Variants in PTPRD observed in about 807,000 individuals in gnomAD.
PTPRD encodes receptor-type tyrosine-protein phosphatase delta.
Under a neutral mutation model 214.5 loss-of-function variants are expected in PTPRD, and 34 were observed. That is an observed-to-expected ratio of 0.16 (90% CI 0.12 to 0.21). The LOEUF (loss-of-function observed/expected upper bound fraction) is 0.21, where lower values mean the gene tolerates loss of function less well. Among genes scored for constraint, PTPRD ranks in the 10% least tolerant of loss-of-function variants. The probability of loss-of-function intolerance (pLI) is 1.00; values close to 1 mark genes in which losing one functional copy is unlikely to be tolerated. For missense variants in PTPRD, 2,545 were observed against 2,398.7 expected (o/e 1.06, Z -1.27); for synonymous variants, 1,128 against 845.7 (o/e 1.33, Z -5.79).
intron 5 of PTPRD, among the ~76,000 whole-genome samples, chr9:9,841,639 G>A (rs2058356140): frequency 1.3e-5 from 2 of 152,110 alleles, no homozygotes; most frequent in Admixed American, 1.3e-4. Context: ...GAAGTTGTTA[G>A]CACTGGAGAT....
intron 9 of PTPRD, among the ~76,000 whole-genome samples, chr9:9,369,804 G>C (rs552526694): frequency 2.3e-4 from 35 of 152,244 alleles, no homozygotes; most frequent in African/African-American, 7.5e-4. Flanking sequence ...GTAAGGAAGG[G>C]ATCCAGTTTC....
chr9:9,151,043 G>C (rs1369856380), intron 10 of PTPRD, among the ~76,000 whole-genome samples: 3 of 152,154 alleles, frequency 2.0e-5, no homozygotes, highest in Non-Finnish European at 4.4e-5. Flanking sequence ...CCTCTATGCA[G>C]CCATTATAAT....
Position 9,538,649 on chromosome 9 carries a change from A to G in PTPRD, c.-237+36083T>C, listed in dbSNP as rs190654658. 2.2e-3 allele frequency among the ~76,000 whole-genome samples: 336 copies of G among 152,076 alleles called. 5 individuals carry two copies. The highest frequency in any genetic ancestry group is 0.019 in the Admixed American group (285 of 15,228). On this transcript the variant is annotated intron_variant, in intron 8 of 45. Transcript: ENST00000381196. ...CAAGAAGCAGAATGCATAGTGATGTATGAATTAATGCAGGCAGACAGGAAT... is the reference window on the plus strand; with the variant it reads ...CAAGAAGCAGAATGCATAGTGATGTGTGAATTAATGCAGGCAGACAGGAAT...
chr9:8,400,086 G>C (rs2092120108), intron 36 of PTPRD, among the ~76,000 whole-genome samples: 1 of 152,032 alleles, frequency 6.6e-6, no homozygotes, highest in Admixed American at 6.6e-5. Context: ...TTTAGACTTG[G>C]CTAACACTTT....
intron 3 of PTPRD, among the ~76,000 whole-genome samples, chr9:10,317,589 A>G (rs2096465794): frequency 6.6e-6 from 1 of 151,968 alleles, no homozygotes. Flanking sequence ...TGGAAGGTGG[A>G]CCCCATGTTG....
rs1240432911 is a variant in PTPRD at position 9,141,239 on chromosome 9, T to C, written c.-143+42065A>G. 2.3e-5 allele frequency among the ~76,000 whole-genome samples: 3 copies of C among 133,314 alleles called. No individual in the cohort carries two copies. In the East Asian group the frequency reaches 8.0e-4, roughly 35 times the overall value. 87.5% of individuals were successfully genotyped at this position (133,314 alleles called of 152,430 possible). ...CTCCCCCTTCTCTCTCCTCCCCCCG[T>C]CTTCCTCTCCCCTCAGGGGAAGACT... On this transcript the variant is annotated intron_variant, in intron 10 of 45. Coordinates refer to ENST00000381196, the MANE Select transcript of PTPRD (RefSeq NM_002839.4).
chr9:9,036,943 C>T (rs879662095), intron 10 of PTPRD, among the ~76,000 whole-genome samples: 18 of 152,116 alleles, frequency 1.2e-4, no homozygotes, highest in Non-Finnish European at 2.4e-4. Flanking sequence ...GGGATGCTTC[C>T]AACTCTCCTT....
chr9:9,760,970 G>A (rs974156277), intron 6 of PTPRD, among the ~76,000 whole-genome samples: 1 of 152,280 alleles, frequency 6.6e-6, no homozygotes, highest in East Asian at 1.9e-4. Flanking sequence ...AAATGGTACA[G>A]CTACACTGAA....
At chr9:9,148,598 C>T (rs556873353) in intron 10 of PTPRD, among the ~76,000 whole-genome samples, 1 of 152,162 alleles carries the variant, frequency 6.6e-6, no homozygotes, top group East Asian at 1.9e-4. Context: ...AGAACCGAAA[C>T]TGTGAGGACA....
At chr9:9,068,249 T>C (rs1315247826) in intron 10 of PTPRD, among the ~76,000 whole-genome samples, 1 of 152,166 alleles carries the variant, frequency 6.6e-6, no homozygotes, top group African/African-American at 2.4e-5. Context: ...ATTTACCCAT[T>C]GAAGTGGACA....
intron 11 of PTPRD, among the ~76,000 whole-genome samples, chr9:8,754,172 G>T (rs190671254): frequency 2.6e-5 from 4 of 152,214 alleles, no homozygotes; most frequent in Non-Finnish European, 4.4e-5. Context: ...TTATAACGAT[G>T]TCAATCTTTC....
At chr9:10,034,690 C>G (rs544666952) in intron 3 of PTPRD, among the ~76,000 whole-genome samples, 39 of 152,142 alleles carry the variant, frequency 2.6e-4, no homozygotes, top group African/African-American at 9.4e-4. Flanking sequence ...GCTTTCTGTT[C>G]CTGCTTTAGT....
intron 3 of PTPRD, among the ~76,000 whole-genome samples, chr9:10,067,262 A>T (rs984148255): frequency 6.6e-6 from 1 of 151,936 alleles, no homozygotes; most frequent in Non-Finnish European, 1.5e-5. Context: ...CGGCAAATGT[A>T]GCTCTCCCTT....
intron 10 of PTPRD, among the ~76,000 whole-genome samples, chr9:9,115,985 T>A (rs2099811989): frequency 6.6e-6 from 1 of 152,048 alleles, no homozygotes; most frequent in African/African-American, 2.4e-5. Flanking sequence ...AATCAAATAC[T>A]GCATGTTGTC....
intron 35 of PTPRD, among the ~76,000 whole-genome samples, chr9:8,427,813 G>A (rs915332020): frequency 6.6e-6 from 1 of 151,940 alleles, no homozygotes; most frequent in African/African-American, 2.4e-5. Context: ...TGAAATTGAT[G>A]TGCATCTTAA....
chr9:8,528,526 A>G (rs1592845274), intron 15 of PTPRD, 65 bp downstream of exon 15: 1 of 1,317,346 alleles, frequency 7.6e-7, no homozygotes, highest in Non-Finnish European at 1.1e-6. Context: ...ATTAAAAATA[A>G]GGAGAGAGAA....
chr9:9,618,453 C>G (rs2095038848), intron 7 of PTPRD, among the ~76,000 whole-genome samples: 1 of 151,884 alleles, frequency 6.6e-6, no homozygotes, highest in South Asian at 2.1e-4. Context: ...GCCAAATACC[C>G]TAGATGAGAA....
At chr9:9,604,224 T>G (rs1466165372) in intron 7 of PTPRD, among the ~76,000 whole-genome samples, 1 of 152,122 alleles carries the variant, frequency 6.6e-6, no homozygotes, top group Non-Finnish European at 1.5e-5. Context: ...TGAAAACACA[T>G]CCTGTAGAAA....
At chr9:9,429,701 C>G (rs1348670847) in intron 8 of PTPRD, among the ~76,000 whole-genome samples, 1 of 152,156 alleles carries the variant, frequency 6.6e-6, no homozygotes, top group Non-Finnish European at 1.5e-5. Flanking sequence ...AGCTTATCCA[C>G]CATGATCAAG....
Sources: gnomAD v4.1 joint callset for allele counts (sites outside exome capture counted in the v4.1 genomes callset) on GRCh38, gnomAD v4.1.1 for gene constraint, MANE v1.5 for transcripts, NCBI Gene and HGNC (gene_info 2026-07-23, HGNC 2026-07-21) for gene names.